Variants in C1QTNF8 observed in about 807,000 individuals in gnomAD.
C1QTNF8 encodes the protein complement C1q tumor necrosis factor-related protein 8.
Under a neutral mutation model 19.2 loss-of-function variants are expected in C1QTNF8, and 27 were observed. That is an observed-to-expected ratio of 1.41 (90% CI 1.04 to 1.94). The LOEUF (loss-of-function observed/expected upper bound fraction) is 1.94. C1QTNF8 is among the 30% of genes most tolerant of loss of function. C1QTNF8 has a pLI of 0.00. For missense variants in C1QTNF8, 484 were observed against 374.4 expected, an observed-to-expected ratio of 1.29 and a Z score of -2.42; for synonymous variants, 208 against 172.8, an observed-to-expected ratio of 1.20 and a Z score of -1.60.
Position 1,089,758 on chromosome 16 carries a change from T to A in C1QTNF8, c.*841A>T, listed in dbSNP as rs1960505161. On this transcript the variant is annotated 3_prime_UTR_variant, in exon 5 of 5. Coordinates refer to ENST00000328449, the MANE Select transcript of C1QTNF8 (RefSeq NM_207419.3). Reference sequence around the variant, plus strand: ...CGCCACCGGCCGTCAGCACACGGGGTAGGGCTGGGGGTGTCCCGGTCGGGG... The same window carrying A: ...CGCCACCGGCCGTCAGCACACGGGGAAGGGCTGGGGGTGTCCCGGTCGGGG... Among the ~76,000 whole-genome samples, 1 of 151,880 alleles carries A rather than the reference T, an allele frequency of 6.6e-6. No homozygotes were observed. The highest frequency in any genetic ancestry group is 6.5e-5 in the Admixed American group (1 of 15,274).
chr16:1,094,069 A>G lies in C1QTNF8; in HGVS notation c.209-18T>C. ...CTTCTCACCTGCAGGGGACAAACGAAAGCCACGGGTCGGGGCCGGGCTGGG... is the reference window on the plus strand; with the variant it reads ...CTTCTCACCTGCAGGGGACAAACGAGAGCCACGGGTCGGGGCCGGGCTGGG... On this transcript the variant is annotated intron_variant, in intron 3 of 4. Coordinates refer to ENST00000328449, the MANE Select transcript of C1QTNF8 (RefSeq NM_207419.3). The G allele has an allele frequency of 7.0e-7, 1 of 1,425,036 alleles. No homozygotes were observed. Among genetic ancestry groups the G allele is most frequent in the Non-Finnish European group, 9.1e-7 (1 of 1,101,402 alleles). 88.3% of individuals were successfully genotyped at this position (1,425,036 alleles called of 1,614,324 possible). A position where few individuals can be genotyped will look rare whatever the true frequency, so the allele number is the denominator to read the frequency against.
chr16:1,093,256 C>A (rs867224768), intron 4 of C1QTNF8, among the ~76,000 whole-genome samples: 104 of 129,980 alleles, frequency 8.0e-4, no homozygotes, highest in African/African-American at 3.6e-3. Flanking sequence ...TCAACCAATC[C>A]CTGCACACAG....
chr16:1,095,048 G>C (rs1960655929), intron 2 of C1QTNF8, 115 bp from the exon 3 acceptor site: 1 of 448,486 alleles, frequency 2.2e-6, no homozygotes, highest in East Asian at 3.5e-5. Flanking sequence ...GGAGGCGGGA[G>C]CTTCTGCCTG....
In C1QTNF8 at chr16:1,093,751, A is replaced by C; in HGVS notation, c.509T>G (p.Val170Gly). The part of the protein sequence containing the change: ...VPGVYFLSLN[V>G]HTWNYKETYL... ...GGTCTCCTTGTAGTTCCAGGTGTGC[A>C]CGTTGAGGCTGAGGAAGTAGACGCC... The change falls in exon 4 of 5, where the codon GTG becomes GGG. Residue 170 changes from valine to glycine, a missense_variant. Transcript: ENST00000328449. 1 of 1,612,204 alleles carries C rather than the reference A, an allele frequency of 6.2e-7. No homozygotes were observed. Among genetic ancestry groups the C allele is most frequent in the Non-Finnish European group, 8.5e-7 (1 of 1,179,682 alleles).
intron 4 of C1QTNF8, among the ~76,000 whole-genome samples, chr16:1,092,045 C>T (rs746666461): frequency 9.9e-5 from 15 of 152,232 alleles, no homozygotes; most frequent in Non-Finnish European, 4.4e-5. Context: ...AGGGCGAGTA[C>T]CTGGGTGAGC....
At chr16:1,094,974 C>T (rs1036439466) in intron 2 of C1QTNF8, 41 bp from the exon 3 acceptor site, 14 of 931,696 alleles carry the variant, frequency 1.5e-5, no homozygotes, top group Non-Finnish European at 2.0e-5. Flanking sequence ...GAAGGAGGTG[C>T]CCCAGCTGGA....
intron 1 of C1QTNF8, among the ~76,000 whole-genome samples, 176 bp downstream of exon 1, chr16:1,095,980 C>T (rs1596245705): frequency 6.6e-6 from 1 of 152,188 alleles, no homozygotes; most frequent in Non-Finnish European, 1.5e-5. Context: ...CCTGCAGGAG[C>T]CCCCACGGAG....
rs952236281 is a variant in C1QTNF8, at chr16:1,089,217, A to G, written c.*1382T>C. ...GGGGTGGTCCGGACCCCTGGCTCCC[A>G]TCTCCCATCCAGCCCTGCTCTCTCA... On this transcript the variant is annotated 3_prime_UTR_variant, in exon 5 of 5. Transcript: ENST00000328449. 3.9e-5 allele frequency among the ~76,000 whole-genome samples: 6 copies of G among 152,024 alleles called. No homozygotes were observed. The highest frequency in any genetic ancestry group is 7.2e-5 in the African/African-American group (3 of 41,382).
intron 3 of C1QTNF8, 99 bp downstream of exon 3, chr16:1,094,616 C>A: frequency 2.1e-6 from 2 of 939,914 alleles, no homozygotes; most frequent in South Asian, 1.7e-5. Flanking sequence ...GCTCAGCGTG[C>A]CCCTCCCGCC....
At chr16:1,094,648 C>T in intron 3 of C1QTNF8, 67 bp downstream of exon 3, 1 of 1,377,586 alleles carries the variant, frequency 7.3e-7, no homozygotes, top group East Asian at 2.6e-5. Flanking sequence ...GCCCCAGGTG[C>T]TCCCCACTCC....
At chr16:1,093,370 G>GCCCCCCCCCCCCCCCCCC in intron 4 of C1QTNF8, 127 bp downstream of exon 4, 3 of 417,556 alleles carry the variant, frequency 7.2e-6, no homozygotes, top group Non-Finnish European at 1.3e-5. Flanking sequence ...AAGCTCCGCT[G>GCCCCCCCCCCCCCCCCCC]CCCGCCCACC....
In C1QTNF8 at chr16:1,093,230, A is replaced by AGCACACAGTCGGCGCTCAACCAATCCCT. The variant is rs1378862184; in HGVS notation, c.*4+239_*4+266dup. On this transcript the variant is annotated intron_variant, in intron 4 of 4. Coordinates refer to ENST00000328449, the MANE Select transcript of C1QTNF8 (RefSeq NM_207419.3). ...ACACAGTCGGCGCTCAACCAATCAC[A>AGCACACAGTCGGCGCTCAACCAATCCCT]GCACACAGTCGGCGCTCAACCAATC... 9.8e-3 allele frequency among the ~76,000 whole-genome samples: 901 copies of AGCACACAGTCGGCGCTCAACCAATCCCT among 92,306 alleles called. 69 individuals carry two copies. Among genetic ancestry groups the AGCACACAGTCGGCGCTCAACCAATCCCT allele is most frequent in the African/African-American group, 0.041 (735 of 17,738 alleles). The allele number at this position is 92,306 out of a possible 152,430, so 60.6% of individuals were successfully genotyped here. A position where few individuals can be genotyped will look rare whatever the true frequency, so the allele number is the denominator to read the frequency against.
At chr16:1,096,132 T>TA (rs751257905) in intron 1 of C1QTNF8, 24 bp downstream of exon 1, 9 of 152,278 alleles carry the variant, frequency 5.9e-5, no homozygotes, top group Non-Finnish European at 1.3e-4. Context: ...TGCTTCCTGT[T>TA]ACCGTCTCAG....
chr16:1,094,361 C>A (rs2151567467), intron 3 of C1QTNF8, among the ~76,000 whole-genome samples: 1 of 152,306 alleles, frequency 6.6e-6, no homozygotes, highest in Non-Finnish European at 1.5e-5. Flanking sequence ...CCTACCCAAG[C>A]CTAACCTTAG....
At chr16:1,090,885 G>C (rs1435923198) in intron 4 of C1QTNF8, among the ~76,000 whole-genome samples, 1 of 152,252 alleles carries the variant, frequency 6.6e-6, no homozygotes, top group Non-Finnish European at 1.5e-5. Flanking sequence ...CAGATGGACA[G>C]ACAAGGTCCC....
intron 2 of C1QTNF8, 35 bp from the exon 3 acceptor site, chr16:1,094,968 G>C: frequency 1.0e-6 from 1 of 986,026 alleles, no homozygotes; most frequent in Non-Finnish European, 1.3e-6. Flanking sequence ...GACTGAGAAG[G>C]AGGTGCCCCA....
At position 1,093,687 on chromosome 16, in the gene C1QTNF8, C is replaced by G. The variant is rs1333251665; in HGVS notation, c.573G>C (p.Val191=). Residue 191 remains valine, a synonymous_variant, in exon 4 of 5, where the codon GTG becomes GTC. Transcript: ENST00000328449. Reference sequence around the variant, plus strand: ...TGCGCTCGCTGGGCTGCGCGTAGAGCACGGCCGCGGGCCGCCGGTTCAGCA... The same window carrying G: ...TGCGCTCGCTGGGCTGCGCGTAGAGGACGGCCGCGGGCCGCCGGTTCAGCA... ...HIMLNRRPAA[V]LYAQPSERSV... The G allele has an allele frequency of 6.2e-7, 1 of 1,610,934 alleles. No homozygotes were observed. Among genetic ancestry groups the G allele is most frequent in the Non-Finnish European group, 8.5e-7 (1 of 1,178,916 alleles).
In C1QTNF8 at chr16:1,093,635, G is replaced by C; in HGVS notation, c.625C>G (p.Leu209Val). 1 of 1,609,922 alleles carries C rather than the reference G, an allele frequency of 6.2e-7. No homozygotes were observed. Among genetic ancestry groups the C allele is most frequent in the Non-Finnish European group, 8.5e-7 (1 of 1,178,428 alleles). Residue 209 changes from leucine to valine, a missense_variant, in exon 4 of 5, where the codon CTG (leucine) becomes GTG (valine). Transcript: ENST00000328449. ...RSVMQAQSLM[L>V]LLAAGDAVWV... ...ACGGCGTCGCCCGCCGCCAGCAGCA[G>C]CATCAGGCTCTGGGCCTGCATGACG...
rs976691187 is a variant in C1QTNF8 at position 1,089,834 on chromosome 16, G to A, written c.*765C>T. Among the ~76,000 whole-genome samples the A allele has an allele frequency of 3.9e-5, 6 of 152,290 alleles. No homozygotes were observed. The highest frequency in any genetic ancestry group is 4.1e-4 in the South Asian group (2 of 4,830). ...CCCCTCGGCCCACCCCTTCCTGTTC[G>A]GGCGCCTTTCTCTCTAAGGCGGAAG... On this transcript the variant is annotated 3_prime_UTR_variant, in exon 5 of 5. Transcript: ENST00000328449.
Sources: gnomAD v4.1 joint callset for allele counts (sites outside exome capture counted in the v4.1 genomes callset) on GRCh38, gnomAD v4.1.1 for gene constraint, MANE v1.5 for transcripts, NCBI Gene and HGNC (gene_info 2026-07-23, HGNC 2026-07-21) for gene names.